The following CUX1 variants were observed in gnomAD, a reference collection of about 807,000 sequenced individuals.
CUX1 encodes the protein cut like homeobox 1, also known as protein CASP.
Under a neutral mutation model 158.8 loss-of-function variants are expected in CUX1, and 31 were observed. The observed-to-expected ratio is 0.20, with a 90% CI of 0.15 to 0.26. The LOEUF is 0.26. Among genes scored for constraint, CUX1 ranks in the 10% least tolerant of loss-of-function variants. The pLI is 1.00. For synonymous variants in CUX1, 879 were observed against 862.1 expected (o/e 1.02, Z -0.34); for missense variants, 1,589 against 2,014.6 (o/e 0.79, Z 4.04).
At chr7:101,986,432 C>A (rs2129229762) in intron 2 of CUX1, among the ~76,000 whole-genome samples, 1 of 152,316 alleles carries the variant, frequency 6.6e-6, no homozygotes, top group South Asian at 2.1e-4. Flanking sequence ...GAATAAGAAA[C>A]CTGTTCGTCT....
rs148369103 is a variant in CUX1 at position 102,199,145 on chromosome 7, C to A, written c.1960+278C>A. On this transcript the variant is annotated intron_variant, in intron 16 of 23. Coordinates refer to ENST00000292535, the MANE Select transcript of CUX1 (RefSeq NM_181552.4). ...CAGCCCACTTCAGATCCTAATTACC[C>A]GGTCCCCCGTTTTTCTCAGACGCAG... 1.3e-3 allele frequency among the ~76,000 whole-genome samples: 202 copies of A among 152,262 alleles called. 1 individual carries two copies. Among genetic ancestry groups the A allele is most frequent in the African/African-American group, 4.8e-3 (198 of 41,560 alleles).
intron 1 of CUX1, among the ~76,000 whole-genome samples, chr7:101,879,854 C>T (rs1449940364): frequency 5.3e-5 from 8 of 152,230 alleles, no homozygotes; most frequent in Non-Finnish European, 8.8e-5. Flanking sequence ...CACAGGACAG[C>T]CTGCTTCTGC....
chr7:102,013,125 C>CAAAAA (rs35020263), intron 2 of CUX1, among the ~76,000 whole-genome samples: 1 of 112,600 alleles, frequency 8.9e-6, no homozygotes, highest in Non-Finnish European at 1.9e-5. Context: ...GCCGTCATAC[C>CAAAAA]AAAAAAAAAA....
At chr7:101,827,250 C>CTTCTCTTCTCTTCTCTTCTT (rs1403408404) in intron 1 of CUX1, among the ~76,000 whole-genome samples, 1 of 82,124 alleles carries the variant, frequency 1.2e-5, no homozygotes, top group Non-Finnish European at 2.9e-5. Flanking sequence ...CCCTCCTTCT[C>CTTCTCTTCTCTTCTCTTCTT]TTCTCTTCTC....
intron 9 of CUX1, among the ~76,000 whole-genome samples, chr7:102,165,766 C>T (rs544497129): frequency 2.0e-5 from 3 of 152,200 alleles, no homozygotes; most frequent in Non-Finnish European, 2.9e-5. Flanking sequence ...GAGGTGACCT[C>T]GTGGACCCCT....
chr7:102,111,651 G>T (rs1239370539), intron 6 of CUX1, 47 bp from the exon 7 acceptor site: 6 of 1,568,368 alleles, frequency 3.8e-6, no homozygotes, highest in Non-Finnish European at 5.3e-6. Flanking sequence ...GTGCATTTCA[G>T]TTGGTAAAGG....
upstream of CUX1, chr7:101,817,340 A>G: frequency 3.0e-6 from 3 of 984,108 alleles, no homozygotes; most frequent in Non-Finnish European, 3.6e-6. The surrounding 1 kb of genome is among the most constrained non-coding windows in gnomAD (Gnocchi z 4.1). Context: ...AGGGCCCGCC[A>G]TGGAGCGCGC....
At chr7:102,224,544 A>G (rs73187850) in intron 20 of CUX1, among the ~76,000 whole-genome samples, 3 of 152,054 alleles carry the variant, frequency 2.0e-5, no homozygotes, top group African/African-American at 7.2e-5. Context: ...CAGCCGCCAC[A>G]TGTCACTTTC....
At chr7:102,264,098 C>A (rs1372510675) in intron 14 of CUX1, among the ~76,000 whole-genome samples, 2 of 148,190 alleles carry the variant, frequency 1.3e-5, no homozygotes, top group African/African-American at 5.0e-5. Flanking sequence ...CTCCGCCTCC[C>A]AGGTTCAAGT....
At chr7:102,026,603 T>G (rs1820052281) in intron 2 of CUX1, among the ~76,000 whole-genome samples, 1 of 151,892 alleles carries the variant, frequency 6.6e-6, no homozygotes, top group Admixed American at 6.6e-5. Flanking sequence ...GCGGATCACC[T>G]ACGGTCAGGA....
At chr7:102,068,993 C>T (rs1825843133) in intron 3 of CUX1, among the ~76,000 whole-genome samples, 1 of 152,198 alleles carries the variant, frequency 6.6e-6, no homozygotes, top group Non-Finnish European at 1.5e-5. Context: ...TGGCCACCAT[C>T]GCAAAACCTT....
chr7:102,163,664 G>C (rs1287445394), intron 9 of CUX1, among the ~76,000 whole-genome samples: 2 of 152,200 alleles, frequency 1.3e-5, no homozygotes, highest in South Asian at 2.1e-4. Flanking sequence ...TGTAAGTATG[G>C]GGAGAGATGG....
chr7:101,943,727 G>A (rs145240798), intron 2 of CUX1, among the ~76,000 whole-genome samples: 1 of 151,954 alleles, frequency 6.6e-6, no homozygotes, highest in Admixed American at 6.6e-5. Flanking sequence ...AGTCTCGTTG[G>A]CACCTTTTGG....
chr7:102,128,514 TTG>T (rs1832886505), intron 8 of CUX1, among the ~76,000 whole-genome samples: 1 of 149,932 alleles, frequency 6.7e-6, no homozygotes. Context: ...CAGGGCCTGT[TTG>T]TGGAGTGGCC....
intron 2 of CUX1, among the ~76,000 whole-genome samples, chr7:102,026,145 CTCT>C (rs1261214138): frequency 2.0e-5 from 3 of 152,066 alleles, no homozygotes; most frequent in Admixed American, 2.0e-4. Context: ...CACCACTACA[CTCT>C]AACCTGGATG....
At chr7:101,969,636 T>C (rs1811694090) in intron 2 of CUX1, among the ~76,000 whole-genome samples, 1 of 152,206 alleles carries the variant, frequency 6.6e-6, no homozygotes, top group South Asian at 2.1e-4. Flanking sequence ...GTAGCAGTTA[T>C]TTCAGAGTTG....
At chr7:101,827,055 G>A (rs1337868101) in intron 1 of CUX1, among the ~76,000 whole-genome samples, 26 of 152,010 alleles carry the variant, frequency 1.7e-4, no homozygotes, top group Admixed American at 1.7e-3. Context: ...ATCTTTCTGT[G>A]CAAAGTAACA....
chr7:102,002,556 G>A (rs1203957239), intron 2 of CUX1, among the ~76,000 whole-genome samples: 2 of 152,194 alleles, frequency 1.3e-5, no homozygotes, highest in African/African-American at 4.8e-5. Context: ...AGTTCCGAGT[G>A]GCCAGTCCCC....
At chr7:102,042,170 A>G (rs148037883) in intron 3 of CUX1, among the ~76,000 whole-genome samples, 2 of 152,254 alleles carry the variant, frequency 1.3e-5, no homozygotes, top group Non-Finnish European at 2.9e-5. Context: ...GTTGGACCAG[A>G]TCAGTGGCTC....
Sources: gnomAD v4.1 joint callset for allele counts (sites outside exome capture counted in the v4.1 genomes callset) on GRCh38, gnomAD v4.1.1 for gene constraint, Gnocchi (gnomAD v3.1) non-coding constraint, MANE v1.5 for transcripts, NCBI Gene and HGNC (gene_info 2026-07-23, HGNC 2026-07-21) for gene names.